Variants in KCNIP4 observed in about 807,000 individuals in gnomAD.
KCNIP4 encodes potassium voltage-gated channel interacting protein 4.
KCNIP4 carries 12 observed loss-of-function variants against 34.0 expected under a neutral mutation model. The observed-to-expected ratio is 0.35, with a 90% CI of 0.23 to 0.57. The LOEUF (loss-of-function observed/expected upper bound fraction) is 0.57, where lower values mean the gene tolerates loss of function less well. Among genes scored for constraint, KCNIP4 ranks in the 20% least tolerant of loss-of-function variants. KCNIP4 has a pLI of 0.83. For synonymous variants in KCNIP4, 124 were observed against 102.2 expected, an observed-to-expected ratio of 1.21 and a Z score of -1.29; for missense variants, 238 against 311.7, an observed-to-expected ratio of 0.76 and a Z score of 1.78.
At chr4:20,833,033 A>G (rs1036166307) in intron 3 of KCNIP4, among the ~76,000 whole-genome samples, 6 of 152,222 alleles carry the variant, frequency 3.9e-5, no homozygotes, top group African/African-American at 1.4e-4. Flanking sequence ...GACTAGGTCC[A>G]GGCTCTGTCA....
At chr4:20,942,502 G>T (rs1409846506) in intron 1 of KCNIP4, among the ~76,000 whole-genome samples, 1 of 152,110 alleles carries the variant, frequency 6.6e-6, no homozygotes, top group African/African-American at 2.4e-5. Flanking sequence ...CAGGTGGTTT[G>T]TGCGTATTAT....
At chr4:21,789,829 T>C (rs1055620727) in intron 1 of KCNIP4, among the ~76,000 whole-genome samples, 1 of 152,182 alleles carries the variant, frequency 6.6e-6, no homozygotes, top group Non-Finnish European at 1.5e-5. Context: ...TAAATAAACA[T>C]GATGTCTAAG....
intron 2 of KCNIP4, among the ~76,000 whole-genome samples, chr4:20,853,719 G>A (rs1401678372): frequency 6.6e-6 from 1 of 152,140 alleles, no homozygotes; most frequent in African/African-American, 2.4e-5. Flanking sequence ...ACAACCCACA[G>A]AGTGGGAGAA....
intron 1 of KCNIP4, among the ~76,000 whole-genome samples, chr4:21,401,411 C>T (rs949453136): frequency 6.6e-6 from 1 of 152,156 alleles, no homozygotes; most frequent in Non-Finnish European, 1.5e-5. Context: ...CAATGGGAAA[C>T]CCAAGGGGCT....
At chr4:21,428,676 A>G (rs557169213) in intron 1 of KCNIP4, among the ~76,000 whole-genome samples, 1 of 152,348 alleles carries the variant, frequency 6.6e-6, no homozygotes, top group African/African-American at 2.4e-5. Flanking sequence ...ACTAGCCACA[A>G]GGAAAGATGA....
At chr4:21,673,874 G>A (rs150099753) in intron 1 of KCNIP4, among the ~76,000 whole-genome samples, 8 of 152,226 alleles carry the variant, frequency 5.3e-5, no homozygotes, top group South Asian at 2.1e-4. Context: ...TGTAGTCAGC[G>A]TTACTGAAGA....
intron 1 of KCNIP4, among the ~76,000 whole-genome samples, chr4:21,259,199 T>C (rs1258318435): frequency 6.6e-6 from 1 of 152,178 alleles, no homozygotes; most frequent in Non-Finnish European, 1.5e-5. Flanking sequence ...CCAAAATTTA[T>C]GGTATGAACT....
chr4:21,274,876 AT>A (rs1560241648), intron 1 of KCNIP4, among the ~76,000 whole-genome samples: 2 of 82,826 alleles, frequency 2.4e-5, no homozygotes, highest in Non-Finnish European at 5.6e-5. Flanking sequence ...AAGATTGTTA[AT>A]TTGATTTTTT....
At chr4:21,586,281 A>G (rs114222241) in intron 1 of KCNIP4, among the ~76,000 whole-genome samples, 4,048 of 152,200 alleles carry the variant, frequency 0.027, 178 homozygotes, top group African/African-American at 0.091. Context: ...TTCCATAAGA[A>G]GAGGGATCGT....
At chr4:21,655,294 G>T (rs1747833137) in intron 1 of KCNIP4, among the ~76,000 whole-genome samples, 1 of 152,018 alleles carries the variant, frequency 6.6e-6, no homozygotes, top group Non-Finnish European at 1.5e-5. Context: ...TAGATAATCT[G>T]CAATGCAAGC....
chr4:21,692,267 C>A (rs1577856191), intron 1 of KCNIP4, among the ~76,000 whole-genome samples: 1 of 152,270 alleles, frequency 6.6e-6, no homozygotes, highest in South Asian at 2.1e-4. Flanking sequence ...ATGCAAATTT[C>A]TTTCTGAAAT....
intron 1 of KCNIP4, among the ~76,000 whole-genome samples, chr4:21,591,501 T>C (rs534405426): frequency 2.0e-5 from 3 of 152,180 alleles, no homozygotes; most frequent in South Asian, 2.1e-4. Flanking sequence ...CTTTTGTCTA[T>C]TGCAGTGCAA....
intron 1 of KCNIP4, among the ~76,000 whole-genome samples, chr4:20,883,120 A>T (rs913730689): frequency 1.3e-5 from 2 of 151,546 alleles, no homozygotes; most frequent in African/African-American, 4.9e-5. Flanking sequence ...CCCACATGAC[A>T]ATTTTCTGCT....
chr4:21,309,981 A>G (rs772429255), intron 1 of KCNIP4, among the ~76,000 whole-genome samples: 26 of 152,164 alleles, frequency 1.7e-4, no homozygotes, highest in Non-Finnish European at 3.4e-4. Flanking sequence ...TTCATAGGAA[A>G]GGCAATGTAT....
chr4:21,399,581 A>G (rs150703540), intron 1 of KCNIP4, among the ~76,000 whole-genome samples: 1 of 151,968 alleles, frequency 6.6e-6, no homozygotes, highest in African/African-American at 2.4e-5. Context: ...CTTTTAAGTC[A>G]CTCAAGTACT....
intron 1 of KCNIP4, among the ~76,000 whole-genome samples, chr4:21,049,108 G>A (rs900642649): frequency 6.6e-6 from 1 of 150,924 alleles, no homozygotes; most frequent in African/African-American, 2.4e-5. Flanking sequence ...CCGCTACCAC[G>A]CCCGGCTAAT....
intron 1 of KCNIP4, among the ~76,000 whole-genome samples, chr4:21,736,982 T>G (rs544508773): frequency 6.6e-6 from 1 of 152,128 alleles, no homozygotes; most frequent in Non-Finnish European, 1.5e-5. Context: ...CTGAGAATGA[T>G]GTTGTGCACA....
At chr4:21,498,974 G>A (rs1019243243) in intron 1 of KCNIP4, among the ~76,000 whole-genome samples, 1 of 152,110 alleles carries the variant, frequency 6.6e-6, no homozygotes, top group Non-Finnish European at 1.5e-5. Flanking sequence ...CAGGAAAGGG[G>A]CAACTGATTT....
At chr4:21,054,335 A>C (rs899344947) in intron 1 of KCNIP4, among the ~76,000 whole-genome samples, 1 of 152,114 alleles carries the variant, frequency 6.6e-6, no homozygotes, top group Admixed American at 6.6e-5. Context: ...CCTGGCCAAC[A>C]TGGTGAAACC....
Sources: gnomAD v4.1 joint callset for allele counts (sites outside exome capture counted in the v4.1 genomes callset) on GRCh38, gnomAD v4.1.1 for gene constraint, MANE v1.5 for transcripts, NCBI Gene and HGNC (gene_info 2026-07-23, HGNC 2026-07-21) for gene names.